AKR1C2: variants seen among roughly 807,000 people sequenced by gnomAD.
AKR1C2 encodes the protein 3-alpha-HSD3.
A neutral mutation model predicts 39.8 loss-of-function variants in AKR1C2; 27 were observed. The observed-to-expected ratio is 0.68, with a 90% CI of 0.50 to 0.93. The LOEUF (loss-of-function observed/expected upper bound fraction) is 0.93. Among genes scored for constraint, AKR1C2 ranks in the 40% least tolerant of loss-of-function variants. The probability of loss-of-function intolerance (pLI) is 0.00; values close to 1 mark genes in which losing one functional copy is unlikely to be tolerated. For missense variants in AKR1C2, 263 were observed against 365.1 expected (o/e 0.72, Z 2.28); for synonymous variants, 114 against 137.9 (o/e 0.83, Z 1.22).
chr10:5,014,394 G>A (rs553911383), intron 1 of AKR1C2, among the ~76,000 whole-genome samples: 30 of 152,124 alleles, frequency 2.0e-4, no homozygotes, highest in African/African-American at 5.1e-4. Context: ...GAGCCTTCAG[G>A]CCTTTTCCTT....
rs375776602 is a variant in AKR1C2, at chr10:4,989,976, C to G, written c.*20G>C. 5.0e-6 allele frequency: 8 copies of G among 1,605,160 alleles called. No individual in the cohort carries two copies. The East Asian group carries it at 1.8e-4, about 36-fold the overall frequency. On this transcript the variant is annotated 3_prime_UTR_variant, in exon 9 of 9. Transcript: ENST00000380753. ...CCACACGCAGGGCCTTCTGGCAGACCTCATGCAATGCCCTCCATGTTAATA... is the reference window on the plus strand; with the variant it reads ...CCACACGCAGGGCCTTCTGGCAGACGTCATGCAATGCCCTCCATGTTAATA...
rs782328316 is a variant in AKR1C2, at chr10:4,998,605, A to G, written c.570+20T>C. The G allele has an allele frequency of 3.7e-6, 6 of 1,613,404 alleles. No homozygotes were observed. Among genetic ancestry groups the G allele is most frequent in the Non-Finnish European group, 5.1e-6 (6 of 1,179,736 alleles). On this transcript the variant is annotated intron_variant, in intron 5 of 8. Coordinates refer to ENST00000380753, the MANE Select transcript of AKR1C2 (RefSeq NM_001393392.1). ...GAGGGGCATGAAGAACAGAAAGGAG[A>G]GGAGGCTGAGGGCGCTCACCTGGTT...
Position 4,989,817 on chromosome 10 carries a change from G to GA in AKR1C2, c.*178dup, listed in dbSNP as rs1554771917. On this transcript the variant is annotated 3_prime_UTR_variant, in exon 9 of 9. Coordinates refer to ENST00000380753, the MANE Select transcript of AKR1C2 (RefSeq NM_001393392.1). ...AGAGAGCATTTAATTTTTTCAAAAT[G>GA]AAAAACAAAATTATTGTCTTTCTTT... 26 of 976,370 alleles carry GA rather than the reference G, an allele frequency of 2.7e-5. No homozygotes were observed. Among genetic ancestry groups the GA allele is most frequent in the African/African-American group, 3.4e-5 (2 of 58,660 alleles). 60.5% of individuals were successfully genotyped at this position (976,370 alleles called of 1,614,324 possible).
upstream of AKR1C2, among the ~76,000 whole-genome samples, chr10:5,004,459 T>C (rs1484442344): frequency 1.3e-5 from 2 of 152,154 alleles, no homozygotes; most frequent in African/African-American, 4.8e-5. Flanking sequence ...GTAATCCTGA[T>C]GTGGGTGTAA....
At position 4,995,752 on chromosome 10, in the gene AKR1C2, T is replaced by C. The variant is rs1554772919; in HGVS notation, c.680+4A>G. ...TTAGGTAAACTTCCTGTATCTCTTA[T>C]TACCATGGTTCTTCTCGATGGGATC... On this transcript the variant is annotated splice_donor_region_variant and intron_variant, in intron 6 of 8. Transcript: ENST00000380753. 9 of 1,610,280 alleles carry C rather than the reference T, an allele frequency of 5.6e-6. No individual in the cohort carries two copies. The highest frequency in any genetic ancestry group is 7.6e-6 in the Non-Finnish European group (9 of 1,179,014).
intron 5 of AKR1C2, among the ~76,000 whole-genome samples, chr10:4,996,542 TATATA>T (rs1554773107): frequency 3.9e-5 from 5 of 128,528 alleles, no homozygotes. Context: ...ATATTATATA[TATATA>T]ATATATATAT....
chr10:5,017,434 G>A (rs1837665434), intron 1 of AKR1C2, among the ~76,000 whole-genome samples: 1 of 152,102 alleles, frequency 6.6e-6, no homozygotes. Context: ...TCTCACTCAA[G>A]CTCAAAGTGA....
chr10:5,015,231 T>C (rs1837612798), intron 1 of AKR1C2: 2 of 152,262 alleles, frequency 1.3e-5, no homozygotes, highest in South Asian at 4.1e-4. Context: ...TCATTAGACA[T>C]TACCTATGGT....
chr10:4,997,866 AG>A (rs1447147848), intron 5 of AKR1C2, among the ~76,000 whole-genome samples: 6 of 152,222 alleles, frequency 3.9e-5, no homozygotes, highest in African/African-American at 1.2e-4. Context: ...ATCACCAGTC[AG>A]GACTCAAGGA....
intron 1 of AKR1C2, among the ~76,000 whole-genome samples, chr10:5,011,953 CTAGGTA>C (rs1168847166): frequency 5.9e-5 from 9 of 152,098 alleles, no homozygotes; most frequent in African/African-American, 1.7e-4. Flanking sequence ...GAAGTATAAT[CTAGGTA>C]TGAGTAGAAA....
chr10:5,004,767 A>G (rs1837364225), upstream of AKR1C2: 1 of 136,588 alleles, frequency 7.3e-6, no homozygotes, highest in Admixed American at 7.8e-5. Context: ...TTAAAACAAG[A>G]TTGTAATTTG....
upstream of AKR1C2, chr10:5,004,575 C>G (rs1588307534): frequency 6.6e-6 from 1 of 152,246 alleles, no homozygotes; most frequent in East Asian, 1.9e-4. Context: ...TTGGTCTTTT[C>G]CAGTCAGTTT....
chr10:4,992,273 G>A (rs565757554), intron 7 of AKR1C2, among the ~76,000 whole-genome samples: 2 of 152,144 alleles, frequency 1.3e-5, no homozygotes, highest in African/African-American at 4.8e-5. Context: ...TAATTTAGTA[G>A]GTTTGATGAA....
At chr10:4,998,558 A>C (rs1837141181) in intron 5 of AKR1C2, 67 bp downstream of exon 5, 1 of 1,596,348 alleles carries the variant, frequency 6.3e-7, no homozygotes, top group African/African-American at 1.3e-5. Flanking sequence ...AAATGAATGG[A>C]TACTTGGCAA....
At chr10:5,001,027 G>A (rs1837252741) in intron 2 of AKR1C2, among the ~76,000 whole-genome samples, 1 of 152,142 alleles carries the variant, frequency 6.6e-6, no homozygotes, top group Admixed American at 6.5e-5. Context: ...TATCTTTGTG[G>A]TTTGGAAACT....
intron 3 of AKR1C2, chr10:5,000,334 C>T: frequency 2.0e-6 from 3 of 1,528,296 alleles, no homozygotes; most frequent in Non-Finnish European, 2.6e-6. Context: ...TTTGAGGATT[C>T]TGCACTCTCT....
intron 7 of AKR1C2, among the ~76,000 whole-genome samples, chr10:4,993,309 G>T (rs1381590882): frequency 6.6e-6 from 1 of 152,190 alleles, no homozygotes; most frequent in Non-Finnish European, 1.5e-5. Context: ...TAAGTTAACT[G>T]AAGATGGAAG....
At chr10:5,008,509 G>A (rs1554774626), upstream of AKR1C2, among the ~76,000 whole-genome samples, 3 of 152,016 alleles carry the variant, frequency 2.0e-5, no homozygotes. Context: ...TGTGGGTCGT[G>A]GAGTCGCTAA....
chr10:5,000,333 T>A lies in AKR1C2; in HGVS notation c.369+217A>T, dbSNP rs1837218621. The A allele has an allele frequency of 4.6e-6, 7 of 1,527,908 alleles. No homozygotes were observed. The African/African-American group carries it at 9.8e-5, about 21-fold the overall frequency. The allele number at this position is 1,527,908 out of a possible 1,614,324, so 94.6% of individuals were successfully genotyped here. ...TTTTTGAGGCAGAGGCTTTGAGGAT[T>A]CTGCACTCTCTTTTCTTGTAGACAT... On this transcript the variant is annotated intron_variant, in intron 3 of 8. Coordinates refer to ENST00000380753, the MANE Select transcript of AKR1C2 (RefSeq NM_001393392.1).
Sources: allele counts gnomAD v4.1 joint callset (sites outside exome capture counted in the v4.1 genomes callset), GRCh38; gene constraint gnomAD v4.1.1; transcripts MANE v1.5; gene names NCBI Gene and HGNC (gene_info 2026-07-23, HGNC 2026-07-21).